Variants in FANCC observed in about 807,000 individuals in gnomAD.
FANCC encodes Fanconi anemia group C protein.
FANCC carries 55 observed loss-of-function variants against 71.3 expected under a neutral mutation model. The ratio of observed to expected loss-of-function variants is 0.77; its 90% confidence interval spans 0.62 to 0.97. The LOEUF (loss-of-function observed/expected upper bound fraction) is 0.97, where lower values mean the gene tolerates loss of function less well. Among genes scored for constraint, FANCC ranks in the 50% least tolerant of loss-of-function variants. The pLI, the probability that FANCC is intolerant of heterozygous loss-of-function variation, is 0.00. For missense variants in FANCC, 678 were observed against 670.9 expected (o/e 1.01, Z -0.12); for synonymous variants, 275 against 244.9 (o/e 1.12, Z -1.15).
intron 14 of FANCC, among the ~76,000 whole-genome samples, chr9:95,105,632 T>G (rs2071385022): frequency 6.6e-6 from 1 of 152,170 alleles, no homozygotes; most frequent in Admixed American, 6.5e-5. Flanking sequence ...CCCCTTTCCA[T>G]GATCCCCACA....
intron 1 of FANCC, among the ~76,000 whole-genome samples, chr9:95,313,359 T>C (rs1835528801): frequency 6.6e-6 from 1 of 152,214 alleles, no homozygotes; most frequent in South Asian, 2.1e-4. Context: ...AAGCTGGCGA[T>C]GGAGAAGGCG....
chr9:95,150,371 C>G (rs1436950335), intron 6 of FANCC, among the ~76,000 whole-genome samples: 1 of 152,156 alleles, frequency 6.6e-6, no homozygotes, highest in Non-Finnish European at 1.5e-5. Flanking sequence ...AATTCCCTTC[C>G]CAGTGTTCCC....
At chr9:95,188,150 T>G (rs1826848171) in intron 4 of FANCC, among the ~76,000 whole-genome samples, 1 of 152,190 alleles carries the variant, frequency 6.6e-6, no homozygotes, top group Non-Finnish European at 1.5e-5. Flanking sequence ...CTTTAATGTC[T>G]TCTGTTTCAT....
chr9:95,139,589 G>A (rs1299399178), intron 7 of FANCC, among the ~76,000 whole-genome samples: 1 of 152,042 alleles, frequency 6.6e-6, no homozygotes, highest in Non-Finnish European at 1.5e-5. Flanking sequence ...AGCTGGATCT[G>A]TGTCCTGCGA....
intron 4 of FANCC, among the ~76,000 whole-genome samples, chr9:95,214,967 TA>T (rs1828763555): frequency 6.6e-6 from 1 of 152,100 alleles, no homozygotes; most frequent in African/African-American, 2.4e-5. Context: ...ACTATATACT[TA>T]AAAATGGTTA....
At chr9:95,281,626 A>G (rs1038230954) in intron 1 of FANCC, among the ~76,000 whole-genome samples, 1 of 152,140 alleles carries the variant, frequency 6.6e-6, no homozygotes, top group African/African-American at 2.4e-5. Flanking sequence ...GCAAGTACAC[A>G]GTCAAATTCT....
chr9:95,120,999 G>A (rs1488482951), intron 10 of FANCC, among the ~76,000 whole-genome samples: 2 of 152,134 alleles, frequency 1.3e-5, no homozygotes, highest in Non-Finnish European at 2.9e-5. Flanking sequence ...GAGGGCAGCT[G>A]GGGGGAGGCA....
chr9:95,129,419 T>A (rs931965566), intron 8 of FANCC, among the ~76,000 whole-genome samples: 2 of 152,032 alleles, frequency 1.3e-5, no homozygotes, highest in Non-Finnish European at 2.9e-5. Context: ...GGAAGCCGTA[T>A]CTTCCCCCCT....
intron 4 of FANCC, among the ~76,000 whole-genome samples, chr9:95,222,503 A>G (rs1396755644): frequency 1.3e-5 from 2 of 152,204 alleles, no homozygotes; most frequent in Non-Finnish European, 2.9e-5. Context: ...AGGACTGACT[A>G]TAAAAGGGCA....
chr9:95,205,601 C>T (rs565135354), intron 4 of FANCC, among the ~76,000 whole-genome samples: 6 of 151,440 alleles, frequency 4.0e-5, no homozygotes, highest in South Asian at 2.1e-4. Context: ...GTTAAAGCTT[C>T]GGAATGATAC....
intron 8 of FANCC, among the ~76,000 whole-genome samples, chr9:95,129,584 A>T (rs1371402109): frequency 6.6e-6 from 1 of 152,152 alleles, no homozygotes; most frequent in Non-Finnish European, 1.5e-5. Flanking sequence ...TTTTCTATAA[A>T]AGCGGGGAAA....
In FANCC at chr9:95,183,842, T is replaced by C. The variant is rs114369462; in HGVS notation, c.346-11695A>G. Among the ~76,000 whole-genome samples, 462 of 152,352 alleles carry C rather than the reference T, an allele frequency of 3.0e-3. 3 individuals are homozygous for C. The highest frequency in any genetic ancestry group is 0.011 in the African/African-American group (442 of 41,584). ...CTCAGCTGTATTTAAATAGAAGTTA[T>C]AATGCATATCTACATATTTTAAAAC... On this transcript the variant is annotated intron_variant, in intron 4 of 14. Transcript: ENST00000289081.
intron 8 of FANCC, among the ~76,000 whole-genome samples, chr9:95,131,979 T>TA (rs1158406243): frequency 1.3e-5 from 2 of 152,178 alleles, no homozygotes; most frequent in Non-Finnish European, 2.9e-5. Flanking sequence ...TCTTATTAGA[T>TA]AAAGTAATCT....
At chr9:95,235,028 C>A (rs1047200448) in intron 4 of FANCC, among the ~76,000 whole-genome samples, 1 of 152,196 alleles carries the variant, frequency 6.6e-6, no homozygotes, top group Admixed American at 6.5e-5. Context: ...GTTAATCTCA[C>A]CCCAAGACAC....
chr9:95,179,145 T>G (rs1289238444), intron 4 of FANCC, among the ~76,000 whole-genome samples: 1 of 152,238 alleles, frequency 6.6e-6, no homozygotes, highest in Non-Finnish European at 1.5e-5. Context: ...TGTGTTTTGA[T>G]GTGTTCTTTC....
chr9:95,108,765 C>T (rs1000098667), intron 13 of FANCC, among the ~76,000 whole-genome samples: 35 of 152,162 alleles, frequency 2.3e-4, no homozygotes, highest in African/African-American at 8.4e-4. Context: ...GTTAATAATT[C>T]GGTTTATATA....
At chr9:95,269,546 T>C (rs971804076) in intron 1 of FANCC, among the ~76,000 whole-genome samples, 4 of 152,192 alleles carry the variant, frequency 2.6e-5, no homozygotes, top group Non-Finnish European at 2.9e-5. Flanking sequence ...TGGGGAGAGC[T>C]GATTGCTTCT....
chr9:95,103,552 C>G (rs1364518307), intron 14 of FANCC, among the ~76,000 whole-genome samples: 1 of 152,190 alleles, frequency 6.6e-6, no homozygotes, highest in Non-Finnish European at 1.5e-5. Context: ...CTGTGCCGGC[C>G]TCCTGCAGGC....
intron 1 of FANCC, chr9:95,294,260 T>A (rs1435601284): frequency 1.9e-6 from 3 of 1,579,398 alleles, no homozygotes. Context: ...ATTGAAGAGT[T>A]CTTTTCGGCC....
Sources: allele counts gnomAD v4.1 joint callset (sites outside exome capture counted in the v4.1 genomes callset), GRCh38; gene constraint gnomAD v4.1.1; transcripts MANE v1.5; gene names NCBI Gene and HGNC (gene_info 2026-07-23, HGNC 2026-07-21).